The following FAAH2 variants were observed in gnomAD, a reference collection of about 807,000 sequenced individuals.
FAAH2 encodes fatty-acid amide hydrolase 2.
A neutral mutation model predicts 36.9 loss-of-function variants in FAAH2; 60 were observed. The observed-to-expected ratio is 1.63, with a 90% CI of 1.32 to 2.02. The LOEUF (loss-of-function observed/expected upper bound fraction) is 2.02. Among genes scored for constraint, FAAH2 ranks in the 30% most tolerant of loss-of-function variants. FAAH2 has a pLI of 0.00. For missense variants in FAAH2, 689 were observed against 397.5 expected, an observed-to-expected ratio of 1.73 and a Z score of -6.23; for synonymous variants, 214 against 143.8, an observed-to-expected ratio of 1.49 and a Z score of -3.49.
intron 4 of FAAH2, among the ~76,000 whole-genome samples, chrX:57,336,106 G>A (rs2053544894): frequency 9.0e-6 from 1 of 111,013 alleles, no homozygotes; most frequent in African/African-American, 3.3e-5. Flanking sequence ...ACATCCAGAT[G>A]GCTGGTTCCT....
At position 57,292,996 on chromosome X, in the gene FAAH2, C is replaced by T. The variant is rs147014105; in HGVS notation, c.275+416C>T. Among the ~76,000 whole-genome samples, 507 of 111,542 alleles carry T rather than the reference C, an allele frequency of 4.5e-3. 3 individuals carry two copies. Among genetic ancestry groups the T allele is most frequent in the Middle Eastern group, 0.019 (4 of 216 alleles). On this transcript the variant is annotated intron_variant, in intron 2 of 10. Coordinates refer to ENST00000374900, the MANE Select transcript of FAAH2 (RefSeq NM_174912.4). ...TAGTATTTTATATAGGTATCATATA[C>T]GTTACTTCTGTGTCTCTATTGCTAA... is the stretch of plus-strand genomic sequence containing the variant.
the FAAH2 span, among the ~76,000 whole-genome samples, chrX:57,230,317 G>A: frequency 2.7e-5 from 3 of 112,115 alleles, no homozygotes; most frequent in South Asian, 3.7e-4. Context: ...GTGGACTTGG[G>A]GAAAGGTGGT....
intron 7 of FAAH2, among the ~76,000 whole-genome samples, chrX:57,420,074 A>G (rs938113962): frequency 9.9e-5 from 11 of 111,112 alleles, no homozygotes; most frequent in African/African-American, 2.6e-4. Context: ...TTCCATTGAT[A>G]TATATCTCTG....
chrX:57,347,872 T>C (rs181329428), intron 5 of FAAH2, among the ~76,000 whole-genome samples: 2 of 110,210 alleles, frequency 1.8e-5, no homozygotes, highest in Admixed American at 2.0e-4. Context: ...ACTTAGGCTG[T>C]AATCTAGTAA....
chrX:57,307,026 C>T lies in FAAH2; in HGVS notation c.276-3567C>T, dbSNP rs754758697. ...ATATATATATATATATAGCCTTTGT[C>T]CTCTGAGTACCGCTGGCCCACCAAT... On this transcript the variant is annotated intron_variant, in intron 2 of 10. Transcript: ENST00000374900. Among the ~76,000 whole-genome samples the T allele has an allele frequency of 8.0e-3, 92 of 11,483 alleles. 3 individuals are homozygous for T. The highest frequency in any genetic ancestry group is 9.9e-3 in the African/African-American group (88 of 8,899). 10.0% of individuals were successfully genotyped at this position (11,483 alleles called of 115,157 possible).
chrX:57,244,929 A>C, the FAAH2 span, among the ~76,000 whole-genome samples: 2 of 111,634 alleles, frequency 1.8e-5, no homozygotes, highest in Non-Finnish European at 3.8e-5. Context: ...AAAGACACAC[A>C]CTGGCAAATT....
At chrX:57,383,454 G>A in intron 7 of FAAH2, among the ~76,000 whole-genome samples, 1 of 111,938 alleles carries the variant, frequency 8.9e-6, no homozygotes, top group Non-Finnish European at 1.9e-5. Flanking sequence ...ATCTCCTTAA[G>A]CTGAGAAGCA....
At chrX:57,396,043 T>C (rs1037013698) in intron 7 of FAAH2, among the ~76,000 whole-genome samples, 15 of 112,160 alleles carry the variant, frequency 1.3e-4, no homozygotes, top group Non-Finnish European at 2.8e-4. Context: ...TGTTTAGGAT[T>C]TCCATTTCTT....
the FAAH2 span, among the ~76,000 whole-genome samples, chrX:57,161,511 C>T: frequency 9.0e-6 from 1 of 111,283 alleles, no homozygotes; most frequent in African/African-American, 3.3e-5. Flanking sequence ...CTTTGTAGGT[C>T]ACTAAGGACT....
the FAAH2 span, among the ~76,000 whole-genome samples, chrX:57,157,347 C>T: frequency 8.9e-6 from 1 of 111,834 alleles, no homozygotes; most frequent in Non-Finnish European, 1.9e-5. Flanking sequence ...TTTCGAGGCC[C>T]TGAGCTACTT....
chrX:57,360,046 T>C (rs776347863), intron 5 of FAAH2, among the ~76,000 whole-genome samples: 5 of 108,935 alleles, frequency 4.6e-5, no homozygotes, highest in Non-Finnish European at 7.6e-5. Context: ...CTGGGAAATA[T>C]GGTGATAGTC....
intron 7 of FAAH2, among the ~76,000 whole-genome samples, chrX:57,409,787 CTA>C (rs1393848664): frequency 9.1e-6 from 1 of 109,582 alleles, no homozygotes. Flanking sequence ...TGAGTCTTTT[CTA>C]TGTTTTCTTA....
chrX:57,153,782 C>T, the FAAH2 span, among the ~76,000 whole-genome samples: 2 of 112,555 alleles, frequency 1.8e-5, no homozygotes, highest in Admixed American at 1.9e-4. Context: ...TGCCTCACAA[C>T]TCTTAAGATT....
chrX:57,393,999 C>A (rs988277881), intron 7 of FAAH2: 38 of 752,307 alleles, frequency 5.1e-5, no homozygotes, highest in Non-Finnish European at 7.3e-5. Context: ...ACTCCATTTA[C>A]TGATGGCACC....
chrX:57,461,299 G>A (rs778548431), intron 10 of FAAH2, among the ~76,000 whole-genome samples: 6 of 111,694 alleles, frequency 5.4e-5, no homozygotes, highest in African/African-American at 1.3e-4. Context: ...TCTGAACCAA[G>A]CAAACCTAAT....
At chrX:57,312,443 C>A (rs1048595756) in intron 3 of FAAH2, among the ~76,000 whole-genome samples, 1 of 111,216 alleles carries the variant, frequency 9.0e-6, no homozygotes, top group Non-Finnish European at 1.9e-5. Context: ...GAGGCCGAGG[C>A]AGGTGGATCA....
chrX:57,229,415 G>A, the FAAH2 span: 1 of 111,949 alleles, frequency 8.9e-6, no homozygotes, highest in South Asian at 3.8e-4. Flanking sequence ...CACCCATGAA[G>A]GGCTAAGCTT....
chrX:57,455,551 C>T (rs1419241365), intron 10 of FAAH2, among the ~76,000 whole-genome samples: 1 of 111,427 alleles, frequency 9.0e-6, no homozygotes, highest in East Asian at 2.8e-4. Context: ...CTTCAAGAGA[C>T]CCATTTCAAC....
chrX:57,393,527 G>A, intron 7 of FAAH2: 3 of 956,317 alleles, frequency 3.1e-6, no homozygotes, highest in Non-Finnish European at 3.0e-6. Context: ...TGCGATGATG[G>A]CAAATGGGCC....
Sources: gnomAD v4.1 joint callset for allele counts (sites outside exome capture counted in the v4.1 genomes callset) on GRCh38, gnomAD v4.1.1 for gene constraint, MANE v1.5 for transcripts, NCBI Gene and HGNC (gene_info 2026-07-23, HGNC 2026-07-21) for gene names.